The following SYCP1 variants were observed in gnomAD, a reference collection of about 807,000 sequenced individuals.
SYCP1 encodes synaptonemal complex protein 1, also known as cancer/testis antigen 8.
SYCP1 carries 64 observed loss-of-function variants against 153.1 expected under a neutral mutation model. The ratio of observed to expected loss-of-function variants is 0.42; its 90% confidence interval spans 0.34 to 0.51. The LOEUF (loss-of-function observed/expected upper bound fraction) is 0.51, where lower values mean the gene tolerates loss of function less well. Among genes scored for constraint, SYCP1 ranks in the 20% least tolerant of loss-of-function variants. The pLI, the probability that SYCP1 is intolerant of heterozygous loss-of-function variation, is 0.06. For missense variants in SYCP1, 997 were observed against 1,049.0 expected, an observed-to-expected ratio of 0.95 and a Z score of 0.68; for synonymous variants, 384 against 341.8, an observed-to-expected ratio of 1.12 and a Z score of -1.36.
rs1668087962 is a variant in SYCP1, at chr1:114,910,220, A to G, written c.1321-177A>G. On this transcript the variant is annotated intron_variant, in intron 16 of 31. Transcript: ENST00000369522. The stretch of plus-strand genomic sequence containing the variant: ...TGTGTTCCAGGGCTGTGTCTACTGA[A>G]TTGTCTGTCATCATGTTTAGTCTTT... The G allele has an allele frequency of 3.5e-5, 15 of 433,042 alleles. No homozygotes were observed. The South Asian group carries it at 5.0e-4, about 15-fold the overall frequency. The allele number at this position is 433,042 out of a possible 1,614,324, so 26.8% of individuals were successfully genotyped here. A position where few individuals can be genotyped will look rare whatever the true frequency, so the allele number is the denominator to read the frequency against.
At chr1:114,889,419 A>G (rs1666542113) in intron 15 of SYCP1, among the ~76,000 whole-genome samples, 2 of 152,076 alleles carry the variant, frequency 1.3e-5, no homozygotes, top group African/African-American at 2.4e-5. Flanking sequence ...ATGGTATCTC[A>G]TTGTAGTTTT....
At chr1:114,930,794 A>G (rs1321328220) in intron 23 of SYCP1, among the ~76,000 whole-genome samples, 1 of 151,930 alleles carries the variant, frequency 6.6e-6, no homozygotes, top group Non-Finnish European at 1.5e-5. Flanking sequence ...ATTACAGACC[A>G]ATATCCATCT....
chr1:114,882,925 GT>G (rs1666055990), intron 12 of SYCP1, among the ~76,000 whole-genome samples: 1 of 152,054 alleles, frequency 6.6e-6, no homozygotes, highest in Non-Finnish European at 1.5e-5. Flanking sequence ...TTGTACAAAA[GT>G]TTACTTCTTA....
chr1:114,953,373 C>T (rs1671232046), intron 27 of SYCP1, among the ~76,000 whole-genome samples: 1 of 152,082 alleles, frequency 6.6e-6, no homozygotes, highest in African/African-American at 2.4e-5. Flanking sequence ...GATCCCAAGT[C>T]TAAGAACTCT....
Position 114,981,275 on chromosome 1 carries a change from G to T in SYCP1, c.2383-61G>T. ...TACTAGTTGCTGCACTTTAATTAAA[G>T]AAATAAATAATTAATGTGACATTTA... On this transcript the variant is annotated intron_variant, in intron 28 of 31. Coordinates refer to ENST00000369522, the MANE Select transcript of SYCP1 (RefSeq NM_003176.4). 14 of 1,307,846 alleles carry T rather than the reference G, an allele frequency of 1.1e-5. No homozygotes were observed. The South Asian group carries it at 1.2e-4, about 11-fold the overall frequency. The allele number at this position is 1,307,846 out of a possible 1,614,324, so 81.0% of individuals were successfully genotyped here.
At chr1:114,986,214 T>G (rs551373858) in intron 30 of SYCP1, among the ~76,000 whole-genome samples, 126 of 152,098 alleles carry the variant, frequency 8.3e-4, no homozygotes, top group Non-Finnish European at 1.7e-3. Flanking sequence ...ACAAGTATAT[T>G]TTTCAAGATC....
intron 27 of SYCP1, among the ~76,000 whole-genome samples, 185 bp downstream of exon 27, chr1:114,947,505 C>T (rs909930517): frequency 2.6e-5 from 4 of 151,880 alleles, no homozygotes; most frequent in East Asian, 1.9e-4. Flanking sequence ...GCAAAACACA[C>T]GTAAATATAA....
chr1:114,880,556 G>A (rs1271840824), intron 12 of SYCP1, among the ~76,000 whole-genome samples: 2 of 152,144 alleles, frequency 1.3e-5, no homozygotes, highest in African/African-American at 4.8e-5. Flanking sequence ...AAGGAAACTG[G>A]CCAAGTATAT....
chr1:114,918,962 A>G (rs1668685145), intron 20 of SYCP1, among the ~76,000 whole-genome samples: 1 of 151,958 alleles, frequency 6.6e-6, no homozygotes, highest in South Asian at 2.1e-4. Flanking sequence ...ACGCAAGGAT[A>G]ATTTGACTTC....
intron 12 of SYCP1, among the ~76,000 whole-genome samples, chr1:114,881,374 A>G (rs187880377): frequency 7.0e-4 from 106 of 152,316 alleles, no homozygotes; most frequent in Admixed American, 2.4e-3. Context: ...GCTGTCATAG[A>G]TTCCATTTGT....
intron 23 of SYCP1, among the ~76,000 whole-genome samples, chr1:114,941,008 G>A (rs1184670412): frequency 2.0e-5 from 3 of 151,700 alleles, no homozygotes; most frequent in South Asian, 2.1e-4. Flanking sequence ...ACATACGATA[G>A]AACTTTATGT....
intron 1 of SYCP1, 181 bp downstream of exon 1, chr1:114,855,199 C>CCG: frequency 4.6e-6 from 1 of 217,910 alleles, no homozygotes; most frequent in Admixed American, 5.8e-5. Context: ...AGGGAACGGG[C>CCG]TTTCTTTTCA....
intron 15 of SYCP1, among the ~76,000 whole-genome samples, chr1:114,890,277 A>G (rs1012648581): frequency 5.3e-5 from 8 of 151,938 alleles, no homozygotes; most frequent in Non-Finnish European, 1.2e-4. Context: ...CTTTAGGAAA[A>G]GGGAAGAAAA....
chr1:114,895,551 C>A, intron 16 of SYCP1, 42 bp downstream of exon 16: 1 of 1,098,780 alleles, frequency 9.1e-7, no homozygotes, highest in South Asian at 1.9e-5. Context: ...AATTACTTTT[C>A]AGAAGAATAT....
At chr1:114,902,571 G>T (rs1195052515) in intron 16 of SYCP1, among the ~76,000 whole-genome samples, 6 of 150,380 alleles carry the variant, frequency 4.0e-5, no homozygotes, top group South Asian at 2.1e-4. Context: ...CCCCCACCCC[G>T]CAAACGGCAG....
chr1:114,919,292 A>G (rs1353136173), intron 20 of SYCP1, among the ~76,000 whole-genome samples: 2 of 152,114 alleles, frequency 1.3e-5, no homozygotes, highest in Admixed American at 6.6e-5. Flanking sequence ...GCATGTTGAT[A>G]TAATGTATCA....
intron 27 of SYCP1, among the ~76,000 whole-genome samples, chr1:114,965,264 T>A (rs188301516): frequency 6.6e-6 from 1 of 152,286 alleles, no homozygotes; most frequent in Admixed American, 6.5e-5. Flanking sequence ...TGGGCTGAGA[T>A]GATAGGGTTT....
chr1:114,986,744 C>T lies in SYCP1; in HGVS notation c.2703+1876C>T, dbSNP rs562230763. ...GGTGGAGTAGGAAGTGCCAGGAATC[C>T]ATCTCTCTACCTAGACAAAAAGTAT... On this transcript the variant is annotated intron_variant, in intron 30 of 31. Coordinates refer to ENST00000369522, the MANE Select transcript of SYCP1 (RefSeq NM_003176.4). Among the ~76,000 whole-genome samples the T allele has an allele frequency of 7.2e-5, 11 of 151,982 alleles. 1 individual carries two copies. The South Asian group carries it at 2.3e-3, about 31-fold the overall frequency.
At chr1:114,948,982 T>C (rs968257272) in intron 27 of SYCP1, among the ~76,000 whole-genome samples, 8 of 152,154 alleles carry the variant, frequency 5.3e-5, no homozygotes, top group African/African-American at 1.9e-4. Context: ...AAGTAGAAAT[T>C]AACACCAGGC....
Sources: allele counts gnomAD v4.1 joint callset (sites outside exome capture counted in the v4.1 genomes callset), GRCh38; gene constraint gnomAD v4.1.1; transcripts MANE v1.5; gene names NCBI Gene and HGNC (gene_info 2026-07-23, HGNC 2026-07-21).